The following PTPRD variants were observed in gnomAD, a reference collection of about 807,000 sequenced individuals.
The protein encoded by PTPRD is protein tyrosine phosphatase receptor type D.
A neutral mutation model predicts 214.5 loss-of-function variants in PTPRD; 34 were observed. That is an observed-to-expected ratio of 0.16 (90% CI 0.12 to 0.21). The LOEUF is 0.21. Ranked by LOEUF, PTPRD falls within the 10% of genes least tolerant of loss-of-function variation. The probability of loss-of-function intolerance (pLI) is 1.00; values close to 1 mark genes in which losing one functional copy is unlikely to be tolerated. For synonymous variants in PTPRD, 1,128 were observed against 845.7 expected (o/e 1.33, Z -5.79); for missense variants, 2,545 against 2,398.7 (o/e 1.06, Z -1.27).
chr9:8,826,235 A>C (rs1234434261), intron 11 of PTPRD, among the ~76,000 whole-genome samples: 2 of 145,842 alleles, frequency 1.4e-5, no homozygotes, highest in Middle Eastern at 3.4e-3. Flanking sequence ...TAGCTTCCTA[A>C]ATGGCCTTCC....
At chr9:9,517,973 T>C (rs548081780) in intron 8 of PTPRD, among the ~76,000 whole-genome samples, 8 of 152,164 alleles carry the variant, frequency 5.3e-5, no homozygotes, top group Admixed American at 2.6e-4. Context: ...AATTTTTGGG[T>C]TTCTGTAAAG....
chr9:9,315,719 AAAAC>A (rs1379009824), intron 9 of PTPRD, among the ~76,000 whole-genome samples: 1 of 151,864 alleles, frequency 6.6e-6, no homozygotes, highest in Non-Finnish European at 1.5e-5. Context: ...AACCGTCTAA[AAAAC>A]AAAGGAAGAA....
chr9:8,980,460 T>C (rs1257042277), intron 11 of PTPRD, among the ~76,000 whole-genome samples: 3 of 152,132 alleles, frequency 2.0e-5, no homozygotes, highest in African/African-American at 4.8e-5. Flanking sequence ...CATTTTACTA[T>C]CTATATGTAT....
chr9:9,079,940 A>G (rs772091480), intron 10 of PTPRD, among the ~76,000 whole-genome samples: 2 of 152,164 alleles, frequency 1.3e-5, no homozygotes, highest in Non-Finnish European at 2.9e-5. Context: ...GATGTTTAAT[A>G]TTTAAGTGTG....
chr9:10,019,565 G>A (rs978358432), intron 4 of PTPRD, among the ~76,000 whole-genome samples: 3 of 152,072 alleles, frequency 2.0e-5, no homozygotes, highest in Non-Finnish European at 4.4e-5. Flanking sequence ...AAGAAAATGT[G>A]GCACATATAC....
intron 39 of PTPRD, among the ~76,000 whole-genome samples, chr9:8,359,123 C>A (rs10120488): frequency 0.74 from 10,383 of 14,072 alleles, 3,675 homozygotes; most frequent in South Asian, 0.75. Flanking sequence ...AAAAAAAAAA[C>A]AAAAAAAAAA....
At chr9:8,659,969 T>C (rs920035662) in intron 12 of PTPRD, among the ~76,000 whole-genome samples, 1 of 152,212 alleles carries the variant, frequency 6.6e-6, no homozygotes, top group Non-Finnish European at 1.5e-5. Context: ...TGCAATATCA[T>C]ACCTATTATA....
rs117074975 is a variant in PTPRD, at chr9:8,381,165, G to C, written c.4387-4439C>G. On this transcript the variant is annotated intron_variant, in intron 37 of 45. Coordinates refer to ENST00000381196, the MANE Select transcript of PTPRD (RefSeq NM_002839.4). The stretch of plus-strand genomic sequence containing the variant: ...GGGCAGAGTGGTTGTTCAAGCATTA[G>C]TATCCTGTAAGGAATGGACAAACAG... Among the ~76,000 whole-genome samples the C allele has an allele frequency of 1.8e-4, 28 of 152,278 alleles. No individual in the cohort carries two copies. The East Asian group carries it at 5.0e-3, about 27-fold the overall frequency.
intron 2 of PTPRD, among the ~76,000 whole-genome samples, chr9:10,474,533 T>C (rs2099050715): frequency 1.3e-5 from 2 of 151,984 alleles, no homozygotes; most frequent in South Asian, 4.1e-4. Flanking sequence ...TCCCACACAA[T>C]AATAGTAGGA....
intron 7 of PTPRD, among the ~76,000 whole-genome samples, chr9:9,587,734 A>G (rs1452488896): frequency 6.6e-6 from 1 of 151,920 alleles, no homozygotes; most frequent in Non-Finnish European, 1.5e-5. Context: ...GGAGGTCATT[A>G]AGTTGAAATA....
chr9:10,566,409 T>C (rs182411955), intron 2 of PTPRD, among the ~76,000 whole-genome samples: 1 of 152,138 alleles, frequency 6.6e-6, no homozygotes, highest in African/African-American at 2.4e-5. Flanking sequence ...TGTTTTACAG[T>C]CTTAGTAATA....
chr9:9,644,042 T>C (rs531581788), intron 7 of PTPRD, among the ~76,000 whole-genome samples: 38 of 152,312 alleles, frequency 2.5e-4, no homozygotes, highest in African/African-American at 8.9e-4. Flanking sequence ...AGATATGCTT[T>C]TTAAAATGCT....
At chr9:8,753,187 T>C (rs139682798) in intron 11 of PTPRD, among the ~76,000 whole-genome samples, 1,847 of 152,304 alleles carry the variant, frequency 0.012, 18 homozygotes, top group Non-Finnish European at 0.019. Flanking sequence ...TTTCCGATTA[T>C]AAATATTTTC....
chr9:10,093,145 G>A (rs1167295513), intron 3 of PTPRD, among the ~76,000 whole-genome samples: 1 of 150,922 alleles, frequency 6.6e-6, no homozygotes, highest in East Asian at 1.9e-4. Flanking sequence ...GAAAAGAAAA[G>A]GAAAAGAGTA....
At chr9:9,748,330 T>C (rs1030936663) in intron 6 of PTPRD, among the ~76,000 whole-genome samples, 7 of 152,168 alleles carry the variant, frequency 4.6e-5, no homozygotes, top group South Asian at 2.1e-4. Flanking sequence ...TTGTTCTTAA[T>C]AACAAAAATA....
At chr9:10,056,772 G>C (rs2097658447) in intron 3 of PTPRD, among the ~76,000 whole-genome samples, 1 of 152,024 alleles carries the variant, frequency 6.6e-6, no homozygotes, top group Admixed American at 6.6e-5. Flanking sequence ...CCTATGTATG[G>C]GTTATATCAT....
chr9:9,007,757 A>C (rs1462457109), intron 11 of PTPRD, among the ~76,000 whole-genome samples: 2 of 117,070 alleles, frequency 1.7e-5, no homozygotes, highest in Admixed American at 8.5e-5. Flanking sequence ...TGTGGTTTAC[A>C]CCCCCCAAAG....
intron 3 of PTPRD, among the ~76,000 whole-genome samples, chr9:10,090,438 C>A (rs557066579): frequency 9.9e-5 from 15 of 151,310 alleles, no homozygotes; most frequent in African/African-American, 3.1e-4. Context: ...TCTTAAAGGG[C>A]AAAATCTGCA....
At chr9:10,564,843 TC>T (rs1218282632) in intron 2 of PTPRD, among the ~76,000 whole-genome samples, 1 of 152,218 alleles carries the variant, frequency 6.6e-6, no homozygotes, top group Non-Finnish European at 1.5e-5. Flanking sequence ...GCATTCTTTT[TC>T]ATTTTATTTT....
Sources: allele counts gnomAD v4.1 joint callset (sites outside exome capture counted in the v4.1 genomes callset), GRCh38; gene constraint gnomAD v4.1.1; transcripts MANE v1.5; gene names NCBI Gene and HGNC (gene_info 2026-07-23, HGNC 2026-07-21).